CDH23: variants seen among roughly 807,000 people sequenced by gnomAD.
CDH23 encodes cadherin related 23.
A neutral mutation model predicts 317.1 loss-of-function variants in CDH23; 189 were observed. That is an observed-to-expected ratio of 0.60 (90% CI 0.53 to 0.67). The LOEUF is 0.67. Ranked by LOEUF, CDH23 falls within the 30% of genes least tolerant of loss-of-function variation. The probability of loss-of-function intolerance (pLI) is 0.00; values close to 1 mark genes in which losing one functional copy is unlikely to be tolerated. For missense variants in CDH23, 4,401 were observed against 4,592.4 expected (o/e 0.96, Z 1.20); for synonymous variants, 1,839 against 1,876.8 (o/e 0.98, Z 0.52).
At chr10:71,711,799 T>C (rs1243195465) in intron 27 of CDH23, 1 of 152,182 alleles carries the variant, frequency 6.6e-6, no homozygotes, top group Non-Finnish European at 1.5e-5. Context: ...ACATTCTGCC[T>C]GTCCGCTGTG....
intron 57 of CDH23, 109 bp downstream of exon 57, chr10:71,806,390 C>T (rs1024383759): frequency 1.3e-6 from 1 of 755,036 alleles, no homozygotes; most frequent in Non-Finnish European, 2.3e-6. Context: ...TGGCTAGACA[C>T]GGAAACATGT....
chr10:71,432,342 G>GGC (rs1554823844), intron 1 of CDH23, among the ~76,000 whole-genome samples: 1 of 146,818 alleles, frequency 6.8e-6, no homozygotes, highest in African/African-American at 2.5e-5. Context: ...GTGTGTGTGC[G>GGC]GTGTGTGAGT....
intron 9 of CDH23, among the ~76,000 whole-genome samples, chr10:71,593,404 G>A (rs562016581): frequency 5.9e-5 from 9 of 152,300 alleles, no homozygotes; most frequent in East Asian, 1.9e-4. Flanking sequence ...GTATATCTTC[G>A]TGACCTTGTA....
chr10:71,732,531 C>A, intron 32 of CDH23, 156 bp downstream of exon 32: 1 of 1,335,092 alleles, frequency 7.5e-7, no homozygotes, highest in Non-Finnish European at 1.0e-6. Flanking sequence ...GCTTGAGAGG[C>A]TGGGGCAGGA....
intron 38 of CDH23, among the ~76,000 whole-genome samples, chr10:71,763,176 T>G (rs1183233794): frequency 6.6e-6 from 1 of 152,164 alleles, no homozygotes; most frequent in Non-Finnish European, 1.5e-5. Flanking sequence ...TTATTTTTAT[T>G]TATTTATTTG....
At chr10:71,722,926 C>T (rs917099505) in intron 28 of CDH23, among the ~76,000 whole-genome samples, 1 of 152,152 alleles carries the variant, frequency 6.6e-6, no homozygotes, top group Non-Finnish European at 1.5e-5. Flanking sequence ...GATATTCCCA[C>T]ATTTTACTGC....
Position 71,751,221 on chromosome 10 carries a change from C to G in CDH23, c.4845+9300C>G. On this transcript the variant is annotated intron_variant, in intron 38 of 69. Coordinates refer to ENST00000224721, the MANE Select transcript of CDH23 (RefSeq NM_022124.6). The surrounding 1 kb of genome is among the most constrained non-coding windows in gnomAD (Gnocchi z 4.9). The stretch of plus-strand genomic sequence containing the variant: ...GGCTCAAATGCACCTGCCCCAGACC[C>G]AGCCACAACAGCCCACTGTCCCCCA... The G allele has an allele frequency of 6.2e-7, 1 of 1,600,554 alleles. No homozygotes were observed. Among genetic ancestry groups the G allele is most frequent in the Non-Finnish European group, 8.5e-7 (1 of 1,172,498 alleles).
chr10:71,580,760 GT>G (rs1257784495), intron 9 of CDH23, among the ~76,000 whole-genome samples: 1 of 152,130 alleles, frequency 6.6e-6, no homozygotes, highest in Non-Finnish European at 1.5e-5. Context: ...CCCCTGTTGG[GT>G]AATGAGCCCC....
intron 16 of CDH23, among the ~76,000 whole-genome samples, chr10:71,678,637 C>G (rs1293228814): frequency 6.6e-6 from 1 of 152,182 alleles, no homozygotes; most frequent in East Asian, 1.9e-4. Flanking sequence ...CCTGTCCTGC[C>G]CTGCCCTCCC....
intron 49 of CDH23, 112 bp from the exon 50 acceptor site, chr10:71,798,242 G>T (rs891809116): frequency 6.0e-5 from 45 of 752,266 alleles, no homozygotes; most frequent in Non-Finnish European, 1.0e-4. Flanking sequence ...GGCAGCCTCT[G>T]GGGGGCTGTG....
At chr10:71,615,708 G>T (rs372628984) in intron 10 of CDH23, 92 bp downstream of exon 10, 2 of 873,060 alleles carry the variant, frequency 2.3e-6, no homozygotes, top group Non-Finnish European at 3.7e-6. Flanking sequence ...TCCTGCCCCC[G>T]GTGGTGGCGC....
chr10:71,711,201 G>T (rs918712647), intron 27 of CDH23, among the ~76,000 whole-genome samples: 1 of 152,116 alleles, frequency 6.6e-6, no homozygotes, highest in Admixed American at 6.5e-5. Flanking sequence ...GGCATTGCCT[G>T]GCAGGAGGAG....
chr10:71,644,182 C>A (rs995448629), intron 12 of CDH23, among the ~76,000 whole-genome samples: 3 of 152,262 alleles, frequency 2.0e-5, no homozygotes, highest in African/African-American at 7.2e-5. Flanking sequence ...GCCTTGCCCC[C>A]ACATCCCCTG....
At chr10:71,687,312 C>G (rs1864946871) in intron 18 of CDH23, among the ~76,000 whole-genome samples, 1 of 152,156 alleles carries the variant, frequency 6.6e-6, no homozygotes, top group Non-Finnish European at 1.5e-5. Flanking sequence ...CTGGAGTGAG[C>G]CTGGGGCTCA....
intron 3 of CDH23, among the ~76,000 whole-genome samples, chr10:71,488,780 G>T (rs1245355148): frequency 6.6e-6 from 1 of 152,078 alleles, no homozygotes; most frequent in African/African-American, 2.4e-5. Context: ...CTTATCCCTA[G>T]TGGCATTGAC....
intron 38 of CDH23, among the ~76,000 whole-genome samples, chr10:71,765,725 C>A (rs969665104): frequency 6.6e-6 from 1 of 152,154 alleles, no homozygotes; most frequent in Admixed American, 6.5e-5. Context: ...CACCTCCCCA[C>A]CCCTCACACA....
chr10:71,616,290 G>A (rs1861186957), intron 10 of CDH23, among the ~76,000 whole-genome samples: 1 of 152,238 alleles, frequency 6.6e-6, no homozygotes, highest in South Asian at 2.1e-4. Flanking sequence ...CTGAGGCCAG[G>A]GGCTCTGGGA....
At chr10:71,778,443 T>A in intron 40 of CDH23, 135 bp downstream of exon 40, 1 of 1,163,546 alleles carries the variant, frequency 8.6e-7, no homozygotes, top group Admixed American at 2.3e-5. Context: ...CCTGTCCTAA[T>A]CTCAGCAACT....
chr10:71,738,172 C>G (rs1221269691), intron 34 of CDH23, among the ~76,000 whole-genome samples: 1 of 152,208 alleles, frequency 6.6e-6, no homozygotes, highest in East Asian at 1.9e-4. Flanking sequence ...GCATTCCTAG[C>G]CTCCATCCAC....
Sources: gnomAD v4.1 joint callset for allele counts (sites outside exome capture counted in the v4.1 genomes callset) on GRCh38, gnomAD v4.1.1 for gene constraint, Gnocchi (gnomAD v3.1) non-coding constraint, MANE v1.5 for transcripts, NCBI Gene and HGNC (gene_info 2026-07-23, HGNC 2026-07-21) for gene names.